RNF169: variants seen among roughly 807,000 people sequenced by gnomAD.
RNF169 encodes ring finger protein 169, also known as E3 ubiquitin-protein ligase RNF169.
A neutral mutation model predicts 53.9 loss-of-function variants in RNF169; 24 were observed. The observed-to-expected ratio is 0.45, with a 90% confidence interval of 0.32 to 0.63. The LOEUF (loss-of-function observed/expected upper bound fraction) is 0.63. Ranked by LOEUF, RNF169 falls within the 20% of genes least tolerant of loss-of-function variation. The pLI, the probability that RNF169 is intolerant of heterozygous loss-of-function variation, is 0.04. For synonymous variants in RNF169, 396 were observed against 363.5 expected (o/e 1.09, Z -1.02); for missense variants, 883 against 906.2 (o/e 0.97, Z 0.33).
At chr11:74,776,770 A>G (rs978921426) in intron 1 of RNF169, among the ~76,000 whole-genome samples, 6 of 152,228 alleles carry the variant, frequency 3.9e-5, no homozygotes, top group African/African-American at 2.4e-5. Flanking sequence ...ATAGCAAATC[A>G]TAGTGAAAGG....
chr11:74,773,375 T>C (rs766584870), intron 1 of RNF169, among the ~76,000 whole-genome samples: 4 of 152,184 alleles, frequency 2.6e-5, no homozygotes, highest in African/African-American at 4.8e-5. Flanking sequence ...CTCTAATACC[T>C]CTTTAAAGCC....
At chr11:74,768,575 G>A (rs1158349164) in intron 1 of RNF169, among the ~76,000 whole-genome samples, 1 of 150,932 alleles carries the variant, frequency 6.6e-6, no homozygotes, top group Non-Finnish European at 1.5e-5. Flanking sequence ...CCACTGCACT[G>A]CAGTCTGGGT....
At chr11:74,785,623 C>T (rs368840753) in intron 1 of RNF169, among the ~76,000 whole-genome samples, 13 of 151,930 alleles carry the variant, frequency 8.6e-5, no homozygotes, top group East Asian at 1.9e-4. Flanking sequence ...CTTTTGGGCA[C>T]GGTGTCATTT....
At chr11:74,754,634 A>G (rs2034952241) in intron 1 of RNF169, among the ~76,000 whole-genome samples, 1 of 152,176 alleles carries the variant, frequency 6.6e-6, no homozygotes, top group Admixed American at 6.5e-5. Context: ...CAGCCTGGCC[A>G]ACATGGGGAA....
intron 1 of RNF169, among the ~76,000 whole-genome samples, chr11:74,761,672 G>A (rs1250799077): frequency 8.5e-5 from 13 of 152,272 alleles, no homozygotes; most frequent in East Asian, 7.7e-4. Flanking sequence ...GGTTTCTGCC[G>A]AGAGATCCGC....
chr11:74,758,240 A>G (rs2035016862), intron 1 of RNF169, among the ~76,000 whole-genome samples: 1 of 132,912 alleles, frequency 7.5e-6, no homozygotes, highest in Non-Finnish European at 1.6e-5. Flanking sequence ...TCCCAGCACC[A>G]TTTATTAAAT....
intron 4 of RNF169, among the ~76,000 whole-genome samples, chr11:74,830,377 C>T (rs1415856347): frequency 6.6e-6 from 1 of 151,914 alleles, no homozygotes; most frequent in Non-Finnish European, 1.5e-5. Context: ...GGATTATAGA[C>T]AAATACTATG....
chr11:74,825,740 A>G (rs546849473), intron 4 of RNF169, among the ~76,000 whole-genome samples: 2 of 152,364 alleles, frequency 1.3e-5, no homozygotes, highest in Non-Finnish European at 2.9e-5. Context: ...CATCAATGCA[A>G]AAGTCCTCAA....
chr11:74,801,378 G>C (rs1259702299), intron 2 of RNF169, among the ~76,000 whole-genome samples: 1 of 152,150 alleles, frequency 6.6e-6, no homozygotes, highest in Admixed American at 6.5e-5. Flanking sequence ...TATAGAAGCC[G>C]TAGCTGTTAG....
chr11:74,750,865 G>GT (rs35173529), intron 1 of RNF169, among the ~76,000 whole-genome samples: 7,661 of 60,200 alleles, frequency 0.13, 2,340 homozygotes, highest in East Asian at 0.17. Flanking sequence ...GCCTCCCAAG[G>GT]TTTTTTTTTT....
At chr11:74,750,478 T>C (rs951356279) in intron 1 of RNF169, among the ~76,000 whole-genome samples, 2 of 152,016 alleles carry the variant, frequency 1.3e-5, no homozygotes, top group African/African-American at 4.8e-5. Flanking sequence ...TCTGTTTTGA[T>C]TCAAGCCGCC....
At chr11:74,787,754 A>G (rs1481312764) in intron 1 of RNF169, among the ~76,000 whole-genome samples, 2 of 152,218 alleles carry the variant, frequency 1.3e-5, no homozygotes, top group African/African-American at 4.8e-5. Context: ...TGTTCCTCTC[A>G]AAAAGCATGT....
chr11:74,830,446 G>A (rs766571839), intron 4 of RNF169: 2 of 151,972 alleles, frequency 1.3e-5, no homozygotes, highest in Non-Finnish European at 2.9e-5. Context: ...TTCCTAGAGT[G>A]AATGTAATGA....
At chr11:74,798,819 GA>G (rs1232928234) in intron 2 of RNF169, among the ~76,000 whole-genome samples, 1 of 152,022 alleles carries the variant, frequency 6.6e-6, no homozygotes, top group Non-Finnish European at 1.5e-5. Context: ...GATGCTTAAG[GA>G]AAATGGAAAA....
chr11:74,783,881 T>C (rs1040426093), intron 1 of RNF169, among the ~76,000 whole-genome samples: 3 of 152,202 alleles, frequency 2.0e-5, no homozygotes, highest in African/African-American at 4.8e-5. Context: ...TTATTAAAAA[T>C]CTGGGAAACT....
chr11:74,774,594 G>A (rs1347590773), intron 1 of RNF169, among the ~76,000 whole-genome samples: 1 of 152,106 alleles, frequency 6.6e-6, no homozygotes, highest in African/African-American at 2.4e-5. Context: ...TTTATTAAGA[G>A]CAGTTTTGGT....
chr11:74,789,641 C>CACCA lies in RNF169; in HGVS notation c.520_523dup (p.Ile175ThrfsTer12). ...TTTCTTTCAGACTTTATATTCAGAG[C>CACCA]ACCAATCAAATTAAGCAAGCCTGGG... On this transcript the variant is annotated frameshift_variant, in exon 2 of 6. Coordinates refer to ENST00000299563, the MANE Select transcript of RNF169 (RefSeq NM_001098638.2). LOFTEE classifies it high-confidence loss of function. The CACCA allele has an allele frequency of 6.2e-7, 1 of 1,608,344 alleles. No individual in the cohort carries two copies. The highest frequency in any genetic ancestry group is 8.5e-7 in the Non-Finnish European group (1 of 1,175,498).
intron 4 of RNF169, among the ~76,000 whole-genome samples, chr11:74,827,648 G>A (rs72986700): frequency 0.052 from 7,952 of 152,118 alleles, 293 homozygotes; most frequent in Non-Finnish European, 0.083. Flanking sequence ...GCCTAATGAT[G>A]TCACCCGAGA....
At chr11:74,766,963 A>C (rs1338074254) in intron 1 of RNF169, among the ~76,000 whole-genome samples, 1 of 151,830 alleles carries the variant, frequency 6.6e-6, no homozygotes, top group Non-Finnish European at 1.5e-5. Flanking sequence ...AGTACAGGCC[A>C]CTCTCATGAA....
Sources: allele counts gnomAD v4.1 joint callset (sites outside exome capture counted in the v4.1 genomes callset), GRCh38; gene constraint gnomAD v4.1.1; transcripts MANE v1.5; gene names NCBI Gene and HGNC (gene_info 2026-07-23, HGNC 2026-07-21).